The following PCDH15 variants were observed in gnomAD, a reference collection of about 807,000 sequenced individuals.
PCDH15 encodes the protein protocadherin related 15.
Under a neutral mutation model 178.5 loss-of-function variants are expected in PCDH15, and 129 were observed. The observed-to-expected ratio is 0.72, with a 90% CI of 0.63 to 0.84. PCDH15 has a LOEUF of 0.84. Ranked by LOEUF, PCDH15 falls within the 40% of genes least tolerant of loss-of-function variation. PCDH15 has a pLI of 0.00. For missense variants in PCDH15, 2,230 were observed against 2,099.9 expected, an observed-to-expected ratio of 1.06 and a Z score of -1.21; for synonymous variants, 800 against 732.0, an observed-to-expected ratio of 1.09 and a Z score of -1.50.
chr10:54,162,513 G>T lies in PCDH15; in HGVS notation c.1591-9220C>A, dbSNP rs531141683. On this transcript the variant is annotated intron_variant, in intron 13 of 37. Coordinates refer to ENST00000644397, the MANE Select transcript of PCDH15 (RefSeq NM_001384140.1). Reference sequence around the variant, plus strand: ...ATAGAATGGAGAGCACACAAACAAAGATTTCAAGATAAGATACCTTCATAT... The same window carrying T: ...ATAGAATGGAGAGCACACAAACAAATATTTCAAGATAAGATACCTTCATAT... Among the ~76,000 whole-genome samples the T allele has an allele frequency of 1.6e-4, 25 of 152,302 alleles. No homozygotes were observed. The South Asian group carries it at 4.1e-3, about 25-fold the overall frequency.
At chr10:55,325,095 T>C (rs1375519970) in intron 2 of PCDH15, among the ~76,000 whole-genome samples, 1 of 152,082 alleles carries the variant, frequency 6.6e-6, no homozygotes, top group East Asian at 1.9e-4. Flanking sequence ...CAGAAAAACA[T>C]TCCCTATTCA....
intron 1 of PCDH15, among the ~76,000 whole-genome samples, chr10:54,698,720 G>GA (rs1165520346): frequency 6.6e-6 from 1 of 152,018 alleles, no homozygotes; most frequent in Non-Finnish European, 1.5e-5. Flanking sequence ...AGTGAATTTA[G>GA]AGGTCATAGA....
At chr10:55,392,996 T>C (rs1179658288) in intron 2 of PCDH15, among the ~76,000 whole-genome samples, 2 of 150,472 alleles carry the variant, frequency 1.3e-5, no homozygotes, top group African/African-American at 5.0e-5. Context: ...TGTGTGTGTG[T>C]GTGTGTGTGT....
intron 3 of PCDH15, among the ~76,000 whole-genome samples, chr10:54,515,410 G>A (rs569219269): frequency 9.2e-5 from 14 of 152,322 alleles, no homozygotes; most frequent in Admixed American, 4.6e-4. Flanking sequence ...ACTGTAAGGC[G>A]GCAGACAGGC....
At chr10:54,779,273 G>T (rs1019293321) in intron 1 of PCDH15, among the ~76,000 whole-genome samples, 2 of 150,772 alleles carry the variant, frequency 1.3e-5, no homozygotes, top group African/African-American at 4.9e-5. Context: ...CCAGAACTCT[G>T]CATTGAGGAT....
In PCDH15 at chr10:55,064,578, A is replaced by G. The variant is rs928420716; in HGVS notation, c.-80+101998T>C. Among the ~76,000 whole-genome samples, 3 of 152,034 alleles carry G rather than the reference A, an allele frequency of 2.0e-5. No homozygotes were observed. In the East Asian group the frequency reaches 5.9e-4, roughly 30 times the overall value. On this transcript the variant is annotated intron_variant, in intron 2 of 5. Transcript: ENST00000458638. Reference sequence around the variant, plus strand: ...TAGTTTCTGCACCTCTGATTCTTAAAATATAACTTTTTTTTTCACTGAGGG... The same window carrying G: ...TAGTTTCTGCACCTCTGATTCTTAAGATATAACTTTTTTTTTCACTGAGGG...
chr10:54,872,303 A>G (rs1954053739), intron 3 of PCDH15, among the ~76,000 whole-genome samples: 1 of 152,028 alleles, frequency 6.6e-6, no homozygotes, highest in Non-Finnish European at 1.5e-5. Context: ...CACCTATTTA[A>G]TTTATCTCAG....
At chr10:54,757,211 C>A (rs1016548063) in intron 1 of PCDH15, among the ~76,000 whole-genome samples, 18 of 151,234 alleles carry the variant, frequency 1.2e-4, no homozygotes, top group Admixed American at 3.3e-4. Flanking sequence ...ATGTGTATGC[C>A]AAACTGCTAA....
chr10:55,028,172 C>T (rs1158113797), intron 2 of PCDH15, among the ~76,000 whole-genome samples: 8 of 151,840 alleles, frequency 5.3e-5, no homozygotes, highest in African/African-American at 1.9e-4. Context: ...TATTATTTTT[C>T]TCATTTTATA....
intron 2 of PCDH15, among the ~76,000 whole-genome samples, chr10:55,351,897 T>C (rs1396980774): frequency 6.6e-6 from 1 of 152,170 alleles, no homozygotes; most frequent in East Asian, 1.9e-4. Context: ...AAAATTCCTA[T>C]TATTTTACAA....
At chr10:55,269,542 T>C (rs1842385878) in intron 1 of PCDH15, among the ~76,000 whole-genome samples, 1 of 151,630 alleles carries the variant, frequency 6.6e-6, no homozygotes, top group East Asian at 1.9e-4. Flanking sequence ...TAGCTAAAAA[T>C]AAAATAAAAC....
chr10:55,610,151 T>G (rs1001112706), intron 2 of PCDH15, among the ~76,000 whole-genome samples: 1 of 152,056 alleles, frequency 6.6e-6, no homozygotes, highest in African/African-American at 2.4e-5. Context: ...AAGAAGAAGT[T>G]GCAAACTCTA....
At chr10:54,626,088 T>A (rs1012018305) in intron 2 of PCDH15, among the ~76,000 whole-genome samples, 2 of 152,132 alleles carry the variant, frequency 1.3e-5, no homozygotes, top group Non-Finnish European at 2.9e-5. Flanking sequence ...TTGAGAGAGA[T>A]GATTTAGGGA....
At chr10:54,824,877 T>G (rs1422048312) in intron 3 of PCDH15, among the ~76,000 whole-genome samples, 1 of 152,112 alleles carries the variant, frequency 6.6e-6, no homozygotes, top group African/African-American at 2.4e-5. Context: ...TCTTTTATTT[T>G]TTATTATTAT....
chr10:54,578,026 C>T (rs1451248704), intron 2 of PCDH15, among the ~76,000 whole-genome samples: 2 of 152,004 alleles, frequency 1.3e-5, no homozygotes, highest in East Asian at 1.9e-4. Flanking sequence ...TCATACATTG[C>T]CTTGGATGAT....
intron 15 of PCDH15, among the ~76,000 whole-genome samples, chr10:54,123,896 A>G (rs1484513209): frequency 2.0e-5 from 3 of 152,202 alleles, no homozygotes; most frequent in Admixed American, 2.0e-4. Flanking sequence ...GAATTAACAC[A>G]GAAATAGAAC....
chr10:54,897,100 A>T (rs978788791), intron 3 of PCDH15, among the ~76,000 whole-genome samples: 1 of 152,218 alleles, frequency 6.6e-6, no homozygotes, highest in Non-Finnish European at 1.5e-5. Context: ...TACATGAGTT[A>T]CATTCTGTGT....
At chr10:53,905,526 G>A (rs1363327129) in intron 25 of PCDH15, among the ~76,000 whole-genome samples, 2 of 151,768 alleles carry the variant, frequency 1.3e-5, no homozygotes, top group Admixed American at 6.6e-5. Flanking sequence ...TAGTAGAGAC[G>A]GGATTTCTCC....
rs1201689107 is a variant in PCDH15, at chr10:55,229,287, AAATGAT to A, written c.-155-62642_-155-62637del. 6.3e-4 allele frequency among the ~76,000 whole-genome samples: 96 copies of A among 152,088 alleles called. 1 individual carries two copies. In the South Asian group the frequency reaches 0.019, roughly 31 times the overall value. On this transcript the variant is annotated intron_variant, in intron 1 of 5. Transcript: ENST00000458638. Reference sequence around the variant, plus strand: ...CAAAATTTTTCAAATAGACTACCATAAATGATATATATCCCCTAAAAGGAAATAATA... The same window carrying A: ...CAAAATTTTTCAAATAGACTACCATAATATATCCCCTAAAAGGAAATAATA...
Sources: gnomAD v4.1 joint callset for allele counts (sites outside exome capture counted in the v4.1 genomes callset) on GRCh38, gnomAD v4.1.1 for gene constraint, MANE v1.5 for transcripts, NCBI Gene and HGNC (gene_info 2026-07-23, HGNC 2026-07-21) for gene names.